SCUBE1: variants seen among roughly 807,000 people sequenced by gnomAD.
SCUBE1 encodes signal peptide, CUB domain and EGF like domain containing 1.
SCUBE1 carries 59 observed loss-of-function variants against 124.4 expected under a neutral mutation model. That is an observed-to-expected ratio of 0.47 (90% CI 0.38 to 0.59). The LOEUF is 0.59. SCUBE1 is among the 20% of genes least tolerant of loss of function. SCUBE1 has a pLI of 0.00. For synonymous variants in SCUBE1, 545 were observed against 550.9 expected (o/e 0.99, Z 0.15); for missense variants, 1,150 against 1,371.2 (o/e 0.84, Z 2.55).
At chr22:43,208,028 C>T (rs878034) in intron 20 of SCUBE1, 44 bp downstream of exon 20, 56,015 of 1,608,496 alleles carry the variant, frequency 0.035, 1,251 homozygotes, top group Admixed American at 0.076. Flanking sequence ...TCCAGGGCCC[C>T]GCCTGAGCCG....
rs184897632 is a variant in SCUBE1, at chr22:43,300,609, C to T, written c.350-9429G>A. Among the ~76,000 whole-genome samples the T allele has an allele frequency of 2.6e-5, 4 of 152,180 alleles. No individual in the cohort carries two copies. In the East Asian group the frequency reaches 7.7e-4, roughly 29 times the overall value. ...TGGGATGTCTTGAGTTGTAAGAGTT[C>T]TTTATACATCCTGGATACTAGACCC... On this transcript the variant is annotated intron_variant, in intron 3 of 21. Coordinates refer to ENST00000360835, the MANE Select transcript of SCUBE1 (RefSeq NM_173050.5).
At chr22:43,333,240 A>G (rs929182360) in intron 2 of SCUBE1, among the ~76,000 whole-genome samples, 7 of 152,218 alleles carry the variant, frequency 4.6e-5, no homozygotes, top group African/African-American at 1.7e-4. Flanking sequence ...TCAAGAAAAC[A>G]GTGCTTTATC....
rs1056252584 is a variant in SCUBE1 at position 43,273,561 on chromosome 22, CTT to C, written c.485-10718_485-10717del. ...TATAAAGTGGGGAGACTAAAACCCT[CTT>C]TTTTTTTTTTTTTTTTTTTTTTGAG... On this transcript the variant is annotated intron_variant, in intron 4 of 21. Coordinates refer to ENST00000360835, the MANE Select transcript of SCUBE1 (RefSeq NM_173050.5). Among the ~76,000 whole-genome samples, 61 of 60,968 alleles carry C rather than the reference CTT, an allele frequency of 1.0e-3. No homozygotes were observed. The East Asian group carries it at 0.015, about 15-fold the overall frequency. 40.0% of individuals were successfully genotyped at this position (60,968 alleles called of 152,430 possible).
intron 5 of SCUBE1, among the ~76,000 whole-genome samples, chr22:43,261,090 C>A (rs1159682373): frequency 6.6e-6 from 1 of 152,258 alleles, no homozygotes; most frequent in Non-Finnish European, 1.5e-5. Context: ...TATCCACAAC[C>A]CTGCTGACGC....
At chr22:43,233,698 C>T (rs1416706382) in intron 7 of SCUBE1, 1 of 152,376 alleles carries the variant, frequency 6.6e-6, no homozygotes, top group Non-Finnish European at 1.5e-5. Flanking sequence ...GCTACTCTGA[C>T]CTCAGGCCGG....
intron 8 of SCUBE1, among the ~76,000 whole-genome samples, chr22:43,229,938 G>C (rs1461968035): frequency 6.6e-6 from 1 of 152,172 alleles, no homozygotes; most frequent in South Asian, 2.1e-4. Flanking sequence ...ACGCCAACCT[G>C]CCCCTCCTTG....
In SCUBE1 at chr22:43,211,995, G is replaced by A. The variant is rs568425656; in HGVS notation, c.2221+430C>T. Among the ~76,000 whole-genome samples, 26 of 152,250 alleles carry A rather than the reference G, an allele frequency of 1.7e-4. No individual in the cohort carries two copies. The highest frequency in any genetic ancestry group is 6.3e-4 in the African/African-American group (26 of 41,532). ...AGCTGAGAATGGGGAGGATTTGGGG[G>A]AGTTGGTGAGTGAGGGAAGACGGGA... On this transcript the variant is annotated intron_variant, in intron 17 of 21. Coordinates refer to ENST00000360835, the MANE Select transcript of SCUBE1 (RefSeq NM_173050.5). This position sits in a 1 kb window ranked among gnomAD's most constrained non-coding sequence, Gnocchi z 4.5.
chr22:43,268,020 C>A (rs573592833), intron 4 of SCUBE1, among the ~76,000 whole-genome samples: 4 of 152,212 alleles, frequency 2.6e-5, no homozygotes, highest in African/African-American at 4.8e-5. Context: ...GACTCTACCC[C>A]CTCTGCTGTG....
intron 4 of SCUBE1, among the ~76,000 whole-genome samples, chr22:43,264,871 AAG>A (rs940431930): frequency 6.6e-6 from 1 of 152,024 alleles, no homozygotes; most frequent in Non-Finnish European, 1.5e-5. Flanking sequence ...CAGTTCCCCA[AAG>A]CCTCCTGGCT....
At chr22:43,328,441 G>A (rs1926798839) in intron 2 of SCUBE1, among the ~76,000 whole-genome samples, 2 of 152,090 alleles carry the variant, frequency 1.3e-5, no homozygotes, top group Non-Finnish European at 2.9e-5. Flanking sequence ...AAAACTGCAG[G>A]CTCTGTGGGG....
chr22:43,231,741 G>T lies in SCUBE1; in HGVS notation c.967+12C>A. The T allele has an allele frequency of 1.9e-6, 3 of 1,569,832 alleles. No individual in the cohort carries two copies. Among genetic ancestry groups the T allele is most frequent in the Non-Finnish European group, 2.6e-6 (3 of 1,157,434 alleles). On this transcript the variant is annotated intron_variant, in intron 8 of 21. Transcript: ENST00000360835. ...GGGCCCGAGAGCCACCCGGGGCATG[G>T]CAGGGGCTCACCCTGGCAGGTGCGC... is the stretch of plus-strand genomic sequence containing the variant.
At chr22:43,317,558 C>T (rs1001881999) in intron 3 of SCUBE1, among the ~76,000 whole-genome samples, 4 of 152,210 alleles carry the variant, frequency 2.6e-5, no homozygotes, top group Non-Finnish European at 2.9e-5. Context: ...AATGTATCTA[C>T]GGACATGCTC....
chr22:43,275,875 G>C (rs1924490211), intron 4 of SCUBE1: 1 of 152,540 alleles, frequency 6.6e-6, no homozygotes, highest in South Asian at 2.1e-4. Flanking sequence ...GGAACTCGGA[G>C]GGGGGCGGAG....
intron 8 of SCUBE1, 74 bp downstream of exon 8, chr22:43,231,679 C>T (rs1322076859): frequency 2.3e-5 from 35 of 1,512,084 alleles, no homozygotes; most frequent in Admixed American, 4.0e-5. Context: ...CCTAGGAGCC[C>T]GTGTCAGCCC....
intron 2 of SCUBE1, among the ~76,000 whole-genome samples, chr22:43,326,522 C>G (rs916462036): frequency 6.6e-6 from 1 of 152,088 alleles, no homozygotes. Context: ...AGTAATGAGA[C>G]GCGCTCTCTG....
intron 8 of SCUBE1, 51 bp downstream of exon 8, chr22:43,231,702 G>A (rs1922557974): frequency 9.1e-6 from 14 of 1,530,234 alleles, no homozygotes; most frequent in Non-Finnish European, 1.2e-5. Flanking sequence ...GAGGGGAAGG[G>A]GCACGATCCC....
At chr22:43,288,938 G>A (rs901965625) in intron 4 of SCUBE1, among the ~76,000 whole-genome samples, 3 of 152,158 alleles carry the variant, frequency 2.0e-5, no homozygotes, top group South Asian at 2.1e-4. Context: ...TGTAGGGGAC[G>A]CTAAGGTTTG....
At chr22:43,276,406 G>A (rs1007914827) in intron 4 of SCUBE1, among the ~76,000 whole-genome samples, 7 of 152,206 alleles carry the variant, frequency 4.6e-5, no homozygotes, top group Non-Finnish European at 7.4e-5. Context: ...CACCAGGCCG[G>A]GAGACAAAAA....
chr22:43,271,403 G>A (rs2146722112), intron 4 of SCUBE1, among the ~76,000 whole-genome samples: 1 of 152,298 alleles, frequency 6.6e-6, no homozygotes, highest in Middle Eastern at 3.4e-3. Flanking sequence ...ATAAACACAA[G>A]CTCACTGGTG....
Sources: allele counts gnomAD v4.1 joint callset (sites outside exome capture counted in the v4.1 genomes callset), GRCh38; gene constraint gnomAD v4.1.1; non-coding constraint Gnocchi (gnomAD v3.1); transcripts MANE v1.5; gene names NCBI Gene and HGNC (gene_info 2026-07-23, HGNC 2026-07-21).